Variants in ARID3A observed in about 807,000 individuals in gnomAD.
ARID3A encodes AT-rich interaction domain 3A, also known as AT-rich interactive domain-containing protein 3A.
ARID3A carries 11 observed loss-of-function variants against 52.7 expected under a neutral mutation model. The observed-to-expected ratio is 0.21, with a 90% CI of 0.13 to 0.35. ARID3A has a LOEUF of 0.35. Ranked by LOEUF, ARID3A falls within the 10% of genes least tolerant of loss-of-function variation. The pLI, the probability that ARID3A is intolerant of heterozygous loss-of-function variation, is 1.00. For missense variants in ARID3A, 721 were observed against 838.5 expected (o/e 0.86, Z 1.73); for synonymous variants, 404 against 359.4 (o/e 1.12, Z -1.40).
intron 3 of ARID3A, among the ~76,000 whole-genome samples, chr19:958,718 C>T (rs1223238026): frequency 6.6e-6 from 1 of 151,868 alleles, no homozygotes; most frequent in Non-Finnish European, 1.5e-5. Flanking sequence ...ACGGTGAAGC[C>T]CCGTCTCTAC....
At position 964,784 on chromosome 19, in the gene ARID3A, G is replaced by A. The variant is rs1409226098; in HGVS notation, c.951-49G>A. The A allele has an allele frequency of 2.5e-6, 4 of 1,587,482 alleles. No homozygotes were observed. Among genetic ancestry groups the A allele is most frequent in the Non-Finnish European group, 3.4e-6 (4 of 1,163,724 alleles). ...TACTTTGTACTGAAGGCCAAAGAGA[G>A]CCGTAGGGGTGACCCGGGTGCCATC... On this transcript the variant is annotated intron_variant, in intron 5 of 8. Coordinates refer to ENST00000263620, the MANE Select transcript of ARID3A (RefSeq NM_005224.3). This position sits in a 1 kb window ranked among gnomAD's most constrained non-coding sequence, Gnocchi z 5.7.
chr19:943,831 T>G (rs573681420), intron 3 of ARID3A, among the ~76,000 whole-genome samples: 44 of 152,282 alleles, frequency 2.9e-4, no homozygotes, highest in African/African-American at 1.0e-3. Flanking sequence ...TGTGCCTCCC[T>G]GGGCACACAT....
In ARID3A at chr19:959,125, T is replaced by A. The variant is rs1434832330; in HGVS notation, c.694-967T>A. 4.6e-5 allele frequency among the ~76,000 whole-genome samples: 7 copies of A among 152,144 alleles called. No individual in the cohort carries two copies. In the East Asian group the frequency reaches 1.4e-3, roughly 29 times the overall value. On this transcript the variant is annotated intron_variant, in intron 3 of 8. Coordinates refer to ENST00000263620, the MANE Select transcript of ARID3A (RefSeq NM_005224.3). The surrounding 1 kb of genome is among the most constrained non-coding windows in gnomAD (Gnocchi z 5.0). ...ACTGACGAAATCACCAACAGACATT[T>A]ATCAGGACGCATCCTGCACGAAGAC...
At chr19:971,627 A>T (rs1043464604) in intron 8 of ARID3A, among the ~76,000 whole-genome samples, 1 of 152,094 alleles carries the variant, frequency 6.6e-6, no homozygotes, top group Non-Finnish European at 1.5e-5. Context: ...AAAAAACAAA[A>T]AAATAAAAAA....
Position 972,097 on chromosome 19 carries a change from G to C in ARID3A, c.*32G>C, listed in dbSNP as rs1034544904. On this transcript the variant is annotated 3_prime_UTR_variant, in exon 9 of 9. Coordinates refer to ENST00000263620, the MANE Select transcript of ARID3A (RefSeq NM_005224.3). Reference sequence around the variant, plus strand: ...CACTCCCCACCCGCCACCCACCCTGGAGCCCGCCGGCCTGGGCAGGGGGTC... The same window carrying C: ...CACTCCCCACCCGCCACCCACCCTGCAGCCCGCCGGCCTGGGCAGGGGGTC... 3.3e-6 allele frequency: 5 copies of C among 1,500,166 alleles called. No individual in the cohort carries two copies. In the African/African-American group the frequency reaches 4.4e-5, roughly 13 times the overall value. 92.9% of individuals were successfully genotyped at this position (1,500,166 alleles called of 1,614,324 possible).
Position 944,224 on chromosome 19 carries a change from A to T in ARID3A, c.693+11482A>T, listed in dbSNP as rs1452025500. Among the ~76,000 whole-genome samples the T allele has an allele frequency of 6.6e-6, 1 of 151,856 alleles. No individual in the cohort carries two copies. The highest frequency in any genetic ancestry group is 1.5e-5 in the Non-Finnish European group (1 of 68,020). ...CAGAAGCTCCTGCCGCCGGCACTGG[A>T]GTCCTGACGTCGGCAGCGCGGTGGA... On this transcript the variant is annotated intron_variant, in intron 3 of 8. Transcript: ENST00000263620. This position sits in a 1 kb window ranked among gnomAD's most constrained non-coding sequence, Gnocchi z 5.9.
In ARID3A at chr19:950,380, GGAATGGATGGATGAGGCCGTCCCCAGAGT is replaced by G. The variant is rs1443262669; in HGVS notation, c.694-9702_694-9674del. On this transcript the variant is annotated intron_variant, in intron 3 of 8. Coordinates refer to ENST00000263620, the MANE Select transcript of ARID3A (RefSeq NM_005224.3). ...CGGATGGATGAGGCCGTCCCCAGAGGGAATGGATGGATGAGGCCGTCCCCAGAGTGAATGGATGAGCACCCAGCCTGAGC... is the reference window on the plus strand; with the variant it reads ...CGGATGGATGAGGCCGTCCCCAGAGGGAATGGATGAGCACCCAGCCTGAGC... Among the ~76,000 whole-genome samples, 121 of 38,354 alleles carry G rather than the reference GGAATGGATGGATGAGGCCGTCCCCAGAGT, an allele frequency of 3.2e-3. 1 individual carries two copies. Among genetic ancestry groups the G allele is most frequent in the East Asian group, 9.8e-3 (16 of 1,630 alleles). 25.2% of individuals were successfully genotyped at this position (38,354 alleles called of 152,430 possible).
chr19:930,676 A>AT (rs1378695330), intron 2 of ARID3A, among the ~76,000 whole-genome samples: 17 of 150,160 alleles, frequency 1.1e-4, no homozygotes, highest in Non-Finnish European at 1.6e-4. Context: ...CGCCTGGCTA[A>AT]CTTTTTGTAT....
chr19:941,547 T>G lies in ARID3A; in HGVS notation c.693+8805T>G, dbSNP rs971664269. ...TTTTGCGTGGACCTGTTGGTGAGTG[T>G]GTCCAGACGTGTGTCTGCCCTGACG... On this transcript the variant is annotated intron_variant, in intron 3 of 8. Coordinates refer to ENST00000263620, the MANE Select transcript of ARID3A (RefSeq NM_005224.3). This position sits in a 1 kb window ranked among gnomAD's most constrained non-coding sequence, Gnocchi z 6.9. Among the ~76,000 whole-genome samples the G allele has an allele frequency of 1.3e-5, 2 of 152,198 alleles. No individual in the cohort carries two copies. Among genetic ancestry groups the G allele is most frequent in the Non-Finnish European group, 2.9e-5 (2 of 68,044 alleles).
chr19:969,837 T>C (rs1354452212), intron 8 of ARID3A, among the ~76,000 whole-genome samples: 1,852 of 150,982 alleles, frequency 0.012, 41 homozygotes, highest in African/African-American at 0.042. Context: ...TACAGGCGTG[T>C]GTCACCACAC....
chr19:943,411 A>G (rs933853715), intron 3 of ARID3A, among the ~76,000 whole-genome samples: 1 of 151,718 alleles, frequency 6.6e-6, no homozygotes, highest in Non-Finnish European at 1.5e-5. Flanking sequence ...TCTACTAAAA[A>G]TACAAAATTA....
chr19:965,830 A>G (rs111674541), intron 6 of ARID3A, among the ~76,000 whole-genome samples: 7,054 of 151,790 alleles, frequency 0.046, 241 homozygotes, highest in Admixed American at 0.084. Flanking sequence ...TGTCTCTACT[A>G]AAAATACAAA....
At chr19:971,053 T>C (rs2038268098) in intron 8 of ARID3A, among the ~76,000 whole-genome samples, 1 of 152,200 alleles carries the variant, frequency 6.6e-6, no homozygotes, top group African/African-American at 2.4e-5. Flanking sequence ...CAACGAACCA[T>C]GGGCATCAGG....
In ARID3A at chr19:932,425, A is replaced by C. The variant is rs1381897611; in HGVS notation, c.376A>C (p.Lys126Gln). 10 of 1,593,672 alleles carry C rather than the reference A, an allele frequency of 6.3e-6. No homozygotes were observed. The highest frequency in any genetic ancestry group is 7.7e-6 in the Non-Finnish European group (9 of 1,174,906). Residue 126 changes from lysine (K) to glutamine (Q), a missense_variant, in exon 3 of 9, where the codon AAA becomes CAA. Around this residue, in one of 5 missense-constraint regions of ARID3A, gnomAD observed 349 missense variants for 297.3 expected, o/e 1.17. Coordinates refer to ENST00000263620, the MANE Select transcript of ARID3A (RefSeq NM_005224.3). ...DMASDEDMKP[K>Q]WEEEEMEEDL... Reference sequence around the variant, plus strand: ...GCCCTCTGCTCACCCCAGGAAGCCCAAATGGGAGGAGGAGGAGATGGAGGA... The same window carrying C: ...GCCCTCTGCTCACCCCAGGAAGCCCCAATGGGAGGAGGAGGAGATGGAGGA...
At position 941,779 on chromosome 19, in the gene ARID3A, C is replaced by CTGTGTGTGTG. The variant is rs34643064; in HGVS notation, c.693+9057_693+9066dup. Among the ~76,000 whole-genome samples, 2,955 of 146,236 alleles carry CTGTGTGTGTG rather than the reference C, an allele frequency of 0.02. 75 individuals are homozygous for CTGTGTGTGTG. Among genetic ancestry groups the CTGTGTGTGTG allele is most frequent in the Admixed American group, 0.066 (977 of 14,748 alleles). ...TCTCTTGTGTTTTGTGTGGATGTGG[C>CTGTGTGTGTG]TGTGTGTGTGTGTGTGTGTGTGTGT... On this transcript the variant is annotated intron_variant, in intron 3 of 8. Coordinates refer to ENST00000263620, the MANE Select transcript of ARID3A (RefSeq NM_005224.3). This position sits in a 1 kb window ranked among gnomAD's most constrained non-coding sequence, Gnocchi z 6.9.
intron 3 of ARID3A, among the ~76,000 whole-genome samples, chr19:954,647 G>A (rs545377625): frequency 1.4e-3 from 208 of 152,228 alleles, no homozygotes; most frequent in African/African-American, 3.5e-3. Flanking sequence ...CCGTGAGGCC[G>A]GTGGTCGGTA....
At chr19:952,811 G>T (rs1308507349) in intron 3 of ARID3A, among the ~76,000 whole-genome samples, 1 of 152,160 alleles carries the variant, frequency 6.6e-6, no homozygotes, top group African/African-American at 2.4e-5. Context: ...TTTCTTTACA[G>T]CCTGGGCCTC....
rs1208051581 is a variant in ARID3A, at chr19:930,317, C to T, written c.368+421C>T. ...CCGTAATCCCAGCACTTTGGGAGGT[C>T]GAGGTGGGTGGATCACCTGAGGTCA... On this transcript the variant is annotated intron_variant, in intron 2 of 8. Transcript: ENST00000263620. 4.6e-5 allele frequency among the ~76,000 whole-genome samples: 7 copies of T among 151,832 alleles called. 1 individual carries two copies. Among genetic ancestry groups the T allele is most frequent in the African/African-American group, 1.2e-4 (5 of 41,452 alleles).
At position 941,273 on chromosome 19, in the gene ARID3A, G is replaced by A. The variant is rs867181009; in HGVS notation, c.693+8531G>A. ...GAGTGTGCACGCTGGGGCTGTGGCC[G>A]GGCGGCTCGTGGGTCCTGTCTCGTG... On this transcript the variant is annotated intron_variant, in intron 3 of 8. Transcript: ENST00000263620. The surrounding 1 kb of genome is among the most constrained non-coding windows in gnomAD (Gnocchi z 6.9). Among the ~76,000 whole-genome samples the A allele has an allele frequency of 2.0e-5, 3 of 152,380 alleles. No individual in the cohort carries two copies. Among genetic ancestry groups the A allele is most frequent in the East Asian group, 1.9e-4 (1 of 5,180 alleles).
Sources: gnomAD v4.1 joint callset for allele counts (sites outside exome capture counted in the v4.1 genomes callset) on GRCh38, gnomAD v4.1.1 for gene constraint, gnomAD v4.1.1 regional missense constraint, Gnocchi (gnomAD v3.1) non-coding constraint, MANE v1.5 for transcripts, NCBI Gene and HGNC (gene_info 2026-07-23, HGNC 2026-07-21) for gene names.